The following CAMK1D variants were observed in gnomAD, a reference collection of about 807,000 sequenced individuals.
CAMK1D encodes calcium/calmodulin dependent protein kinase ID, also known as calcium/calmodulin-dependent protein kinase type 1D.
Under a neutral mutation model 47.7 loss-of-function variants are expected in CAMK1D, and 9 were observed. That is an observed-to-expected ratio of 0.19 (90% confidence interval 0.11 to 0.33). The LOEUF (loss-of-function observed/expected upper bound fraction) is 0.33. Ranked by LOEUF, CAMK1D falls within the 10% of genes least tolerant of loss-of-function variation. The pLI is 1.00. For synonymous variants in CAMK1D, 184 were observed against 184.9 expected (o/e 0.99, Z 0.04); for missense variants, 291 against 488.7 (o/e 0.60, Z 3.81).
intron 1 of CAMK1D, among the ~76,000 whole-genome samples, chr10:12,484,681 T>G (rs535984815): frequency 6.6e-6 from 1 of 152,292 alleles, no homozygotes; most frequent in Admixed American, 6.5e-5. Context: ...TGGCCTCAGA[T>G]GTGGAAAGTG....
intron 2 of CAMK1D, among the ~76,000 whole-genome samples, chr10:12,632,557 G>C (rs930035261): frequency 1.3e-5 from 2 of 152,166 alleles, no homozygotes; most frequent in African/African-American, 4.8e-5. Flanking sequence ...ATATATATTT[G>C]AACCTTACAG....
At chr10:12,584,051 A>C (rs959795873) in intron 2 of CAMK1D, among the ~76,000 whole-genome samples, 1 of 152,146 alleles carries the variant, frequency 6.6e-6, no homozygotes, top group South Asian at 2.1e-4. Context: ...GGGAGCACCT[A>C]TATTCCTTTT....
intron 1 of CAMK1D, among the ~76,000 whole-genome samples, chr10:12,452,624 C>T (rs750136173): frequency 9.2e-5 from 14 of 151,536 alleles, no homozygotes; most frequent in Admixed American, 2.0e-4. Flanking sequence ...CTCACTCTGT[C>T]GCCCAGGCTG....
At chr10:12,376,759 C>CTTTTTT in intron 1 of CAMK1D, among the ~76,000 whole-genome samples, 1 of 143,972 alleles carries the variant, frequency 6.9e-6, no homozygotes, top group East Asian at 2.0e-4. Flanking sequence ...CTTTTCTTTT[C>CTTTTTT]TTTTTTTTTT....
intron 1 of CAMK1D, among the ~76,000 whole-genome samples, chr10:12,468,922 T>C (rs1299004388): frequency 1.3e-5 from 2 of 152,188 alleles, no homozygotes; most frequent in Non-Finnish European, 2.9e-5. Flanking sequence ...CTGGGGGTGC[T>C]TCTTTTTATT....
At chr10:12,611,588 C>CTTTTTTTTTTTTTTTTTT (rs71386105) in intron 2 of CAMK1D, among the ~76,000 whole-genome samples, 858 of 59,938 alleles carry the variant, frequency 0.014, 221 homozygotes, top group East Asian at 0.025. Flanking sequence ...TTCAGAATGC[C>CTTTTTTTTTTTTTTTTTT]TTTTTTTTTT....
At chr10:12,487,067 T>A (rs1251345455) in intron 1 of CAMK1D, among the ~76,000 whole-genome samples, 3 of 152,220 alleles carry the variant, frequency 2.0e-5, no homozygotes, top group Non-Finnish European at 4.4e-5. Context: ...GTTTGTGATA[T>A]AGGTAAACTC....
At position 12,385,112 on chromosome 10, in the gene CAMK1D, G is replaced by A. The variant is rs576442027; in HGVS notation, c.92+35202G>A. ...AAAAGATAGATAATAACAAGTGTTG[G>A]TGAAGATGTAGAGAGGCTAGAACAT... On this transcript the variant is annotated intron_variant, in intron 1 of 10. Transcript: ENST00000619168. Among the ~76,000 whole-genome samples the A allele has an allele frequency of 2.0e-5, 3 of 152,302 alleles. No homozygotes were observed. In the East Asian group the frequency reaches 5.8e-4, roughly 29 times the overall value.
At chr10:12,539,156 T>C (rs1359116515) in intron 1 of CAMK1D, among the ~76,000 whole-genome samples, 4 of 152,222 alleles carry the variant, frequency 2.6e-5, no homozygotes. Flanking sequence ...TTTCAAACTT[T>C]TATTGATTGT....
chr10:12,419,666 A>G (rs201407812), intron 1 of CAMK1D, among the ~76,000 whole-genome samples: 5 of 150,948 alleles, frequency 3.3e-5, no homozygotes, highest in African/African-American at 9.7e-5. Flanking sequence ...ACACACACAC[A>G]CACGCAAAAA....
intron 2 of CAMK1D, among the ~76,000 whole-genome samples, chr10:12,564,198 A>G (rs913488792): frequency 2.7e-5 from 4 of 150,354 alleles, no homozygotes; most frequent in African/African-American, 9.8e-5. Flanking sequence ...TAATATTTTT[A>G]AAAAGTCAGA....
rs1026996877 is a variant in CAMK1D at position 12,350,813 on chromosome 10, C to T, written c.92+903C>T. On this transcript the variant is annotated intron_variant, in intron 1 of 10. Coordinates refer to ENST00000619168, the MANE Select transcript of CAMK1D (RefSeq NM_153498.4). Reference sequence around the variant, plus strand: ...AGTCTGAAGTTCAAGTTATTTCCTTCCCTCACACAATCAGTATTTGCTCTG... The same window carrying T: ...AGTCTGAAGTTCAAGTTATTTCCTTTCCTCACACAATCAGTATTTGCTCTG... 3.3e-5 allele frequency among the ~76,000 whole-genome samples: 5 copies of T among 152,210 alleles called. No individual in the cohort carries two copies. In the South Asian group the frequency reaches 8.3e-4, roughly 25 times the overall value.
chr10:12,580,708 G>A (rs1227925296), intron 2 of CAMK1D, among the ~76,000 whole-genome samples: 1 of 152,200 alleles, frequency 6.6e-6, no homozygotes, highest in Non-Finnish European at 1.5e-5. Flanking sequence ...GCAGGAGTGT[G>A]TGGAGAGGGT....
At chr10:12,753,216 C>T (rs1836069595) in intron 3 of CAMK1D, among the ~76,000 whole-genome samples, 1 of 152,236 alleles carries the variant, frequency 6.6e-6, no homozygotes, top group Non-Finnish European at 1.5e-5. Flanking sequence ...CGTGCCACTG[C>T]ATACCAAGTA....
At chr10:12,484,334 T>C (rs1834149737) in intron 1 of CAMK1D, among the ~76,000 whole-genome samples, 1 of 152,150 alleles carries the variant, frequency 6.6e-6, no homozygotes, top group Admixed American at 6.5e-5. Flanking sequence ...GGAAAACGCG[T>C]GAACTCTGTG....
Position 12,765,247 on chromosome 10 carries a change from T to A in CAMK1D, c.438+4161T>A, listed in dbSNP as rs992655974. On this transcript the variant is annotated intron_variant, in intron 4 of 10. Coordinates refer to ENST00000619168, the MANE Select transcript of CAMK1D (RefSeq NM_153498.4). ...TGAAGGATAGTATTTATTCTTTAGT[T>A]TCTATTAAAGAACAGAATTATTTTG... Among the ~76,000 whole-genome samples, 4 of 152,248 alleles carry A rather than the reference T, an allele frequency of 2.6e-5. 1 individual carries two copies. Among genetic ancestry groups the A allele is most frequent in the Non-Finnish European group, 5.9e-5 (4 of 68,052 alleles).
At chr10:12,785,025 C>G (rs997935205) in intron 5 of CAMK1D, among the ~76,000 whole-genome samples, 1 of 152,162 alleles carries the variant, frequency 6.6e-6, no homozygotes, top group Non-Finnish European at 1.5e-5. Flanking sequence ...GATGAATGCA[C>G]CTGGGAACCC....
intron 2 of CAMK1D, among the ~76,000 whole-genome samples, chr10:12,595,450 G>A (rs1254891623): frequency 6.6e-6 from 1 of 150,654 alleles, no homozygotes; most frequent in Admixed American, 6.6e-5. Flanking sequence ...AAATGCTGCT[G>A]GCTTGTGGAA....
intron 1 of CAMK1D, among the ~76,000 whole-genome samples, chr10:12,448,819 A>G (rs12763487): frequency 0.2 from 30,850 of 152,086 alleles, 3,124 homozygotes; most frequent in East Asian, 0.25. Context: ...CTATCCGGAA[A>G]TGGAGTGTGA....
Sources: gnomAD v4.1 joint callset for allele counts (sites outside exome capture counted in the v4.1 genomes callset) on GRCh38, gnomAD v4.1.1 for gene constraint, MANE v1.5 for transcripts, NCBI Gene and HGNC (gene_info 2026-07-23, HGNC 2026-07-21) for gene names.